Variants in SNX25 observed in about 807,000 individuals in gnomAD.
The protein encoded by SNX25 is sorting nexin-25.
Under a neutral mutation model 113.7 loss-of-function variants are expected in SNX25, and 62 were observed. The observed-to-expected ratio is 0.55, with a 90% confidence interval of 0.44 to 0.67. The LOEUF is 0.67. Ranked by LOEUF, SNX25 falls within the 30% of genes least tolerant of loss-of-function variation. The pLI, the probability that SNX25 is intolerant of heterozygous loss-of-function variation, is 0.00. For missense variants in SNX25, 1,014 were observed against 1,161.0 expected (o/e 0.87, Z 1.84); for synonymous variants, 421 against 436.2 (o/e 0.97, Z 0.43).
chr4:185,369,436 G>A (rs2095407202), intron 11 of SNX25, among the ~76,000 whole-genome samples: 1 of 151,394 alleles, frequency 6.6e-6, no homozygotes, highest in African/African-American at 2.4e-5. Context: ...TAGAGACCCA[G>A]TTTCACCATG....
At chr4:185,314,323 A>C (rs1477314515) in intron 7 of SNX25, among the ~76,000 whole-genome samples, 2 of 114,614 alleles carry the variant, frequency 1.7e-5, no homozygotes, top group East Asian at 3.1e-4. Context: ...TCCCCTCTCT[A>C]CAAAAAAAAA....
intron 4 of SNX25, 24 bp from the exon 5 acceptor site, chr4:185,266,931 ATACCTTTCTCAGTG>A (rs1748181607): frequency 1.3e-6 from 2 of 1,588,530 alleles, no homozygotes; most frequent in Non-Finnish European, 1.7e-6. Context: ...TTAAAGAAGA[ATACCTTTCTCAGTG>A]GCTATTTCTT....
intron 1 of SNX25, among the ~76,000 whole-genome samples, chr4:185,240,055 A>G (rs543865120): frequency 0.025 from 3,759 of 151,578 alleles, 142 homozygotes; most frequent in African/African-American, 0.086. Context: ...TGGACACAGC[A>G]CATGTTTCAG....
At chr4:185,321,360 T>C (rs1262905618) in intron 8 of SNX25, among the ~76,000 whole-genome samples, 1 of 151,764 alleles carries the variant, frequency 6.6e-6, no homozygotes, top group Non-Finnish European at 1.5e-5. Context: ...CCTCCCAGGT[T>C]CAAGCGGTTC....
At chr4:185,258,777 C>G in intron 2 of SNX25, 71 bp from the exon 3 acceptor site, 5 of 1,269,240 alleles carry the variant, frequency 3.9e-6, no homozygotes. Flanking sequence ...TGGCCAGTTT[C>G]CAGTAGAAAT....
chr4:185,353,641 T>G, intron 15 of SNX25, 39 bp downstream of exon 15: 1 of 1,446,698 alleles, frequency 6.9e-7, no homozygotes, highest in South Asian at 1.1e-5. Context: ...ATTTGCTAGT[T>G]AAGTGGTATA....
chr4:185,321,647 G>T (rs188734909), intron 8 of SNX25, among the ~76,000 whole-genome samples: 14 of 152,266 alleles, frequency 9.2e-5, no homozygotes, highest in African/African-American at 3.1e-4. Context: ...CCAATAATCA[G>T]CATCATGCTT....
At chr4:185,330,462 C>T (rs2095186506) in intron 9 of SNX25, among the ~76,000 whole-genome samples, 1 of 152,188 alleles carries the variant, frequency 6.6e-6, no homozygotes, top group Non-Finnish European at 1.5e-5. Context: ...AATGGCGGTG[C>T]TTGTCCAAGA....
chr4:185,236,791 C>T (rs956684121), intron 1 of SNX25, among the ~76,000 whole-genome samples: 9 of 149,958 alleles, frequency 6.0e-5, no homozygotes, highest in Non-Finnish European at 1.3e-4. Flanking sequence ...TTAATTAATG[C>T]TCATATCAAT....
chr4:185,260,477 T>C (rs893964797), intron 3 of SNX25, among the ~76,000 whole-genome samples: 1 of 152,186 alleles, frequency 6.6e-6, no homozygotes. Flanking sequence ...TGAGAGTGTT[T>C]ACACCATGGA....
chr4:185,337,321 A>G (rs1376480874), intron 10 of SNX25, among the ~76,000 whole-genome samples: 1 of 152,142 alleles, frequency 6.6e-6, no homozygotes, highest in African/African-American at 2.4e-5. Context: ...CAAGTACCTG[A>G]TGTTAGTGGA....
chr4:185,267,105 C>T lies in SNX25; in HGVS notation c.1041C>T (p.Phe347=), dbSNP rs185911188. The T allele has an allele frequency of 5.0e-6, 8 of 1,613,804 alleles. No individual in the cohort carries two copies. In the Admixed American group the frequency reaches 1.0e-4, roughly 20 times the overall value. ...AYTYAPSYED[F]IKLINSNSDV... ...CCTATGCCCCCTCTTACGAGGACTT[C>T]ATCAAGCTCATTAACAGCAACTCTG... Residue 347 remains phenylalanine (F), a synonymous_variant, in exon 5 of 19, where the codon TTC becomes TTT. Transcript: ENST00000652585.
chr4:185,208,646 T>A (rs974639993), upstream of SNX25, among the ~76,000 whole-genome samples: 6 of 151,882 alleles, frequency 4.0e-5, no homozygotes, highest in African/African-American at 1.5e-4. Flanking sequence ...GAGAATGGCT[T>A]GAACCCAGGA....
downstream of SNX25, among the ~76,000 whole-genome samples, chr4:185,372,006 G>C (rs2095417784): frequency 6.6e-6 from 1 of 152,160 alleles, no homozygotes; most frequent in African/African-American, 2.4e-5. Flanking sequence ...TATACACTGT[G>C]GGTAAATACG....
chr4:185,326,760 C>G (rs2095160117), intron 9 of SNX25, among the ~76,000 whole-genome samples: 1 of 152,130 alleles, frequency 6.6e-6, no homozygotes, highest in East Asian at 1.9e-4. Flanking sequence ...ATGTTAAACT[C>G]AATTTTTAAT....
At chr4:185,329,119 A>G (rs980264087) in intron 9 of SNX25, among the ~76,000 whole-genome samples, 3 of 152,116 alleles carry the variant, frequency 2.0e-5, no homozygotes, top group Non-Finnish European at 4.4e-5. Context: ...AAAAGAATAT[A>G]GACAACTTCT....
At position 185,353,477 on chromosome 4, in the gene SNX25, A is replaced by G; in HGVS notation, c.2467-8A>G. ...TATCTGCTTCCTATGACTTTGCTGTATTCCCAGGAGGAGACAGAGGAGGAC... is the reference window on the plus strand; with the variant it reads ...TATCTGCTTCCTATGACTTTGCTGTGTTCCCAGGAGGAGACAGAGGAGGAC... On this transcript the variant is annotated splice_region_variant and splice_polypyrimidine_tract_variant and intron_variant, in intron 14 of 18. Coordinates refer to ENST00000652585, the MANE Select transcript of SNX25 (RefSeq NM_001378034.2). 1.9e-6 allele frequency: 3 copies of G among 1,608,166 alleles called. No individual in the cohort carries two copies. Among genetic ancestry groups the G allele is most frequent in the Non-Finnish European group, 2.6e-6 (3 of 1,174,848 alleles).
intron 4 of SNX25, among the ~76,000 whole-genome samples, chr4:185,265,547 G>C (rs933385672): frequency 9.2e-5 from 13 of 141,476 alleles, no homozygotes; most frequent in Non-Finnish European, 1.6e-4. Flanking sequence ...GGGAGTGACT[G>C]TGAAGGCCTA....
chr4:185,260,682 A>G (rs1392095541), intron 3 of SNX25, among the ~76,000 whole-genome samples: 2 of 152,232 alleles, frequency 1.3e-5, no homozygotes, highest in Non-Finnish European at 2.9e-5. Flanking sequence ...ATGTAGCTTG[A>G]GGAAACTACT....
Sources: gnomAD v4.1 joint callset for allele counts (sites outside exome capture counted in the v4.1 genomes callset) on GRCh38, gnomAD v4.1.1 for gene constraint, MANE v1.5 for transcripts, NCBI Gene and HGNC (gene_info 2026-07-23, HGNC 2026-07-21) for gene names.